Variants in CYP2C19 observed in about 807,000 individuals in gnomAD.
The protein encoded by CYP2C19 is cytochrome P450 2C19.
A neutral mutation model predicts 40.9 loss-of-function variants in CYP2C19; 59 were observed. The ratio of observed to expected loss-of-function variants is 1.44; its 90% CI spans 1.17 to 1.79. CYP2C19 has a LOEUF of 1.79. Ranked by LOEUF, CYP2C19 falls within the 40% of genes most tolerant of loss-of-function variation. CYP2C19 has a pLI of 0.00. For synonymous variants in CYP2C19, 253 were observed against 208.7 expected, an observed-to-expected ratio of 1.21 and a Z score of -1.83; for missense variants, 754 against 596.9, an observed-to-expected ratio of 1.26 and a Z score of -2.74.
intron 6 of CYP2C19, among the ~76,000 whole-genome samples, chr10:94,825,465 G>T (rs1414996076): frequency 4.7e-5 from 7 of 149,456 alleles, no homozygotes; most frequent in Admixed American, 1.3e-4. Flanking sequence ...CTTTTGAGAA[G>T]TGTCTGTTCA....
chr10:94,849,237 C>G (rs1435352706), intron 7 of CYP2C19, among the ~76,000 whole-genome samples: 2 of 152,050 alleles, frequency 1.3e-5, no homozygotes, highest in African/African-American at 4.8e-5. Context: ...CACTAAAGCC[C>G]AAGCTTGATG....
At chr10:94,824,005 G>C (rs1849171071) in intron 6 of CYP2C19, among the ~76,000 whole-genome samples, 1 of 152,066 alleles carries the variant, frequency 6.6e-6, no homozygotes, top group African/African-American at 2.4e-5. Flanking sequence ...TTTTATGAGA[G>C]TTTCCAATAA....
chr10:94,843,321 T>C (rs187799425), intron 7 of CYP2C19, among the ~76,000 whole-genome samples: 2 of 152,334 alleles, frequency 1.3e-5, no homozygotes, highest in Admixed American at 6.5e-5. Flanking sequence ...TCCCAAAACA[T>C]TGGGCTAGAA....
At chr10:94,845,508 A>G (rs1350661563) in intron 7 of CYP2C19, among the ~76,000 whole-genome samples, 1 of 152,190 alleles carries the variant, frequency 6.6e-6, no homozygotes, top group Admixed American at 6.6e-5. Context: ...TTCTGCAAAG[A>G]TGCTCGATTG....
chr10:94,780,713 G>C (rs914248804), intron 4 of CYP2C19, 54 bp downstream of exon 4: 1 of 1,595,836 alleles, frequency 6.3e-7, no homozygotes, highest in African/African-American at 1.3e-5. Context: ...TTTTTTCTGG[G>C]AAATCCAAAA....
intron 1 of CYP2C19, among the ~76,000 whole-genome samples, chr10:94,767,574 C>T (rs115382194): frequency 1.3e-3 from 194 of 152,262 alleles, no homozygotes; most frequent in African/African-American, 4.5e-3. Context: ...TTCTTTGTTC[C>T]CCCCAAAGGG....
intron 5 of CYP2C19, among the ~76,000 whole-genome samples, chr10:94,798,678 T>G (rs929929665): frequency 2.6e-5 from 4 of 152,120 alleles, no homozygotes; most frequent in African/African-American, 9.7e-5. Context: ...TGCTCCTGTA[T>G]TGGGTGCATA....
chr10:94,781,909 T>C lies in CYP2C19; in HGVS notation c.731T>C (p.Ile244Thr), dbSNP rs1848484182. Residue 244 changes from isoleucine (I) to threonine (T), a missense_variant, in exon 5 of 9, where the codon ATT (isoleucine) becomes ACT (threonine). Coordinates refer to ENST00000371321, the MANE Select transcript of CYP2C19 (RefSeq NM_000769.4). ...LKNLAFMESD[I>T]LEKVKEHQES... is the part of the protein sequence containing the mutation. ...AACCTTGCTTTTATGGAAAGTGATA[T>C]TTTGGAGAAAGTAAAAGAACACCAA... The C allele has an allele frequency of 1.3e-6, 2 of 1,502,960 alleles. No homozygotes were observed. 93.1% of individuals were successfully genotyped at this position (1,502,960 alleles called of 1,614,324 possible). A position where few individuals can be genotyped will look rare whatever the true frequency, so the allele number is the denominator to read the frequency against.
intron 1 of CYP2C19, among the ~76,000 whole-genome samples, chr10:94,770,047 C>T (rs61886221): frequency 0.014 from 2,075 of 152,216 alleles, 24 homozygotes; most frequent in Non-Finnish European, 0.021. Flanking sequence ...CAGATGGTAA[C>T]GGACCTTGAG....
intron 1 of CYP2C19, among the ~76,000 whole-genome samples, chr10:94,763,835 A>G (rs561674766): frequency 2.6e-5 from 4 of 152,044 alleles, no homozygotes; most frequent in Non-Finnish European, 5.9e-5. Context: ...GAATGAAGCC[A>G]CGGACCCTCG....
At chr10:94,845,478 C>T (rs560637359) in intron 7 of CYP2C19, among the ~76,000 whole-genome samples, 1 of 152,246 alleles carries the variant, frequency 6.6e-6, no homozygotes, top group East Asian at 1.9e-4. Context: ...CAATATAAGA[C>T]TTTCCTGTCC....
chr10:94,833,034 A>G (rs1299067687), intron 6 of CYP2C19, among the ~76,000 whole-genome samples: 1 of 152,032 alleles, frequency 6.6e-6, no homozygotes, highest in Non-Finnish European at 1.5e-5. Flanking sequence ...TTTAAATGGG[A>G]TTACATTTTA....
intron 1 of CYP2C19, among the ~76,000 whole-genome samples, chr10:94,766,295 G>T (rs1848242555): frequency 8.9e-6 from 1 of 112,856 alleles, no homozygotes; most frequent in African/African-American, 4.2e-5. Context: ...AGTGGAAGGG[G>T]AGGGGTGATT....
chr10:94,771,675 C>T (rs1848334280), intron 1 of CYP2C19, among the ~76,000 whole-genome samples: 1 of 152,086 alleles, frequency 6.6e-6, no homozygotes, highest in Non-Finnish European at 1.5e-5. Flanking sequence ...AGACAAAACT[C>T]TCCATGGTTT....
chr10:94,804,994 C>A (rs1315183586), intron 5 of CYP2C19, among the ~76,000 whole-genome samples: 3 of 151,894 alleles, frequency 2.0e-5, no homozygotes, highest in Non-Finnish European at 2.9e-5. Context: ...AACATGTTAT[C>A]TTGAACTACA....
chr10:94,766,240 A>G (rs1416095882), intron 1 of CYP2C19, among the ~76,000 whole-genome samples: 1 of 152,002 alleles, frequency 6.6e-6, no homozygotes, highest in Non-Finnish European at 1.5e-5. Context: ...CTGGTTTAAC[A>G]AAGAGTGGGT....
chr10:94,852,911 C>T lies in CYP2C19; in HGVS notation c.1470C>T (p.Val490=), dbSNP rs775888452. 3 of 1,613,924 alleles carry T rather than the reference C, an allele frequency of 1.9e-6. No individual in the cohort carries two copies. The highest frequency in any genetic ancestry group is 1.1e-5 in the South Asian group (1 of 91,070). ...PPFYQLCFIP[V] ...TCTATCAGCTGTGCTTCATTCCTGT[C>T]TGAAGAAGCACAGATGGTCTGGCTG... Residue 490 remains valine, a synonymous_variant, in exon 9 of 9, where the codon GTC becomes GTT. Transcript: ENST00000371321.
At chr10:94,837,209 CT>C (rs1849418036) in intron 6 of CYP2C19, among the ~76,000 whole-genome samples, 1 of 152,118 alleles carries the variant, frequency 6.6e-6, no homozygotes, top group African/African-American at 2.4e-5. Context: ...GGTTTCTGTA[CT>C]CCTAAAATTG....
chr10:94,809,526 C>T (rs572357249), intron 5 of CYP2C19, among the ~76,000 whole-genome samples: 24 of 152,174 alleles, frequency 1.6e-4, no homozygotes, highest in Non-Finnish European at 2.9e-4. Flanking sequence ...ATTTGATTTT[C>T]TCTCTTCCTG....
Sources: allele counts gnomAD v4.1 joint callset (sites outside exome capture counted in the v4.1 genomes callset), GRCh38; gene constraint gnomAD v4.1.1; transcripts MANE v1.5; gene names NCBI Gene and HGNC (gene_info 2026-07-23, HGNC 2026-07-21).